Variants in ENTHD1 observed in about 807,000 individuals in gnomAD.
The protein encoded by ENTHD1 is ENTH domain-containing protein 1.
ENTHD1 carries 23 observed loss-of-function variants against 39.1 expected under a neutral mutation model. The ratio of observed to expected loss-of-function variants is 0.59; its 90% CI spans 0.42 to 0.83. The LOEUF (loss-of-function observed/expected upper bound fraction) is 0.83. ENTHD1 is among the 40% of genes least tolerant of loss of function. The probability of loss-of-function intolerance (pLI) is 0.00; values close to 1 mark genes in which losing one functional copy is unlikely to be tolerated. For missense variants in ENTHD1, 624 were observed against 705.4 expected, an observed-to-expected ratio of 0.88 and a Z score of 1.31; for synonymous variants, 230 against 258.2, an observed-to-expected ratio of 0.89 and a Z score of 1.05.
At chr22:39,875,307 C>A (rs2066278829) in intron 2 of ENTHD1, 3 of 1,269,828 alleles carry the variant, frequency 2.4e-6, no homozygotes, top group Non-Finnish European at 3.0e-6. Context: ...TCGGTCGCAG[C>A]CCGCTCGGGC....
intron 1 of ENTHD1, among the ~76,000 whole-genome samples, chr22:39,891,062 A>G (rs1185251214): frequency 1.3e-5 from 2 of 152,236 alleles, no homozygotes; most frequent in Non-Finnish European, 2.9e-5. Flanking sequence ...ATTAGTGCCC[A>G]AGAGGGTAAA....
rs191444909 is a variant in ENTHD1 at position 39,891,667 on chromosome 22, G to A, written c.-156+2028C>T. Among the ~76,000 whole-genome samples, 349 of 150,554 alleles carry A rather than the reference G, an allele frequency of 2.3e-3. 4 individuals carry two copies. Among genetic ancestry groups the A allele is most frequent in the African/African-American group, 7.5e-3 (306 of 40,934 alleles). On this transcript the variant is annotated intron_variant, in intron 1 of 6. Transcript: ENST00000325157. ...AGGGTCTTGCTCTGTCACCCAGGCT[G>A]GAGTGAAGTGGCACGATCTTGGCTC... is the stretch of plus-strand genomic sequence containing the variant.
In ENTHD1 at chr22:39,832,889, A is replaced by G. The variant is rs568950593; in HGVS notation, c.711+2951T>C. 2.0e-5 allele frequency among the ~76,000 whole-genome samples: 3 copies of G among 152,304 alleles called. No individual in the cohort carries two copies. The South Asian group carries it at 6.2e-4, about 32-fold the overall frequency. On this transcript the variant is annotated intron_variant, in intron 4 of 6. Coordinates refer to ENST00000325157, the MANE Select transcript of ENTHD1 (RefSeq NM_152512.4). Reference sequence around the variant, plus strand: ...GATAACATAGGAAGAAAAGTATCATAATGACACTCCATTTGCTGCCCTGCA... The same window carrying G: ...GATAACATAGGAAGAAAAGTATCATGATGACACTCCATTTGCTGCCCTGCA...
At position 39,887,895 on chromosome 22, in the gene ENTHD1, A is replaced by G. The variant is rs1014383524; in HGVS notation, c.-147T>C. ...TAATTAATCTCTATGTTGATAAAGT[A>G]TCAATTTCCTGCAAGGAAAGCACAA... On this transcript the variant is annotated 5_prime_UTR_variant, in exon 2 of 7. Coordinates refer to ENST00000325157, the MANE Select transcript of ENTHD1 (RefSeq NM_152512.4). 14 of 571,696 alleles carry G rather than the reference A, an allele frequency of 2.4e-5. No individual in the cohort carries two copies. Among genetic ancestry groups the G allele is most frequent in the Non-Finnish European group, 4.0e-5 (14 of 347,510 alleles). 35.4% of individuals were successfully genotyped at this position (571,696 alleles called of 1,614,324 possible).
At chr22:39,778,331 A>C (rs1214656812) in intron 5 of ENTHD1, among the ~76,000 whole-genome samples, 1 of 152,168 alleles carries the variant, frequency 6.6e-6, no homozygotes, top group African/African-American at 2.4e-5. Context: ...TGCCAATTCT[A>C]GGAAGGGGGG....
chr22:39,787,939 A>G (rs920142791), intron 5 of ENTHD1, among the ~76,000 whole-genome samples: 3 of 152,190 alleles, frequency 2.0e-5, no homozygotes, highest in Non-Finnish European at 2.9e-5. Flanking sequence ...GTGGAAGCCA[A>G]TTGCTCCTTT....
intron 3 of ENTHD1, among the ~76,000 whole-genome samples, chr22:39,849,094 T>C (rs2066014842): frequency 6.6e-6 from 1 of 152,148 alleles, no homozygotes; most frequent in Non-Finnish European, 1.5e-5. Context: ...CACAGTGTCA[T>C]GATCAGTAAA....
rs1048411482 is a variant in ENTHD1 at position 39,867,975 on chromosome 22, T to C, written c.350-5968A>G. The stretch of plus-strand genomic sequence containing the variant: ...AGTGAGCGAGGCTGAAGCCAAGGGC[T>C]GCTGGGCTCTTGATCTGCCAGCCCA... On this transcript the variant is annotated intron_variant, in intron 2 of 6. Transcript: ENST00000325157. This position sits in a 1 kb window ranked among gnomAD's most constrained non-coding sequence, Gnocchi z 4.5. Among the ~76,000 whole-genome samples the C allele has an allele frequency of 2.6e-5, 4 of 152,160 alleles. No homozygotes were observed. Among genetic ancestry groups the C allele is most frequent in the Non-Finnish European group, 4.4e-5 (3 of 68,028 alleles).
intron 3 of ENTHD1, among the ~76,000 whole-genome samples, chr22:39,843,496 ATATACT>A (rs893916656): frequency 1.1e-4 from 17 of 151,572 alleles, no homozygotes; most frequent in African/African-American, 3.9e-4. Context: ...GCATTGGGAG[ATATACT>A]TAATGCTAGA....
At chr22:39,843,376 C>T (rs572360271) in intron 3 of ENTHD1, among the ~76,000 whole-genome samples, 6 of 148,176 alleles carry the variant, frequency 4.0e-5, no homozygotes, top group Non-Finnish European at 7.4e-5. Context: ...AACCAAACAC[C>T]ACATATTCTC....
At chr22:39,791,812 T>C (rs2065506558) in intron 5 of ENTHD1, among the ~76,000 whole-genome samples, 1 of 152,170 alleles carries the variant, frequency 6.6e-6, no homozygotes. Context: ...GGTGTACAGA[T>C]CATTTTGTCG....
intron 2 of ENTHD1, among the ~76,000 whole-genome samples, chr22:39,880,898 T>G (rs1439314929): frequency 6.6e-6 from 1 of 152,214 alleles, no homozygotes; most frequent in East Asian, 1.9e-4. Context: ...GTTGAGAACA[T>G]GTATTCTGGA....
At chr22:39,756,316 T>TCTCTCTCTCA (rs1433242336) in intron 6 of ENTHD1, among the ~76,000 whole-genome samples, 1 of 138,010 alleles carries the variant, frequency 7.2e-6, no homozygotes, top group African/African-American at 2.8e-5. Flanking sequence ...TCTCTCTCTC[T>TCTCTCTCTCA]CACACACACA....
chr22:39,825,660 AAAGT>A (rs1197306833), intron 4 of ENTHD1, among the ~76,000 whole-genome samples: 1 of 151,878 alleles, frequency 6.6e-6, no homozygotes, highest in Non-Finnish European at 1.5e-5. Context: ...ATTTTCTGAG[AAAGT>A]ATTCTATTTC....
chr22:39,780,357 A>G (rs1009911092), intron 5 of ENTHD1, among the ~76,000 whole-genome samples: 1 of 148,686 alleles, frequency 6.7e-6, no homozygotes, highest in Non-Finnish European at 1.5e-5. Flanking sequence ...AGCCTGGGTG[A>G]CAGAGCAAGA....
chr22:39,747,306 C>A (rs1569121892), intron 6 of ENTHD1, among the ~76,000 whole-genome samples: 1 of 152,124 alleles, frequency 6.6e-6, no homozygotes, highest in Non-Finnish European at 1.5e-5. Flanking sequence ...TTTTTAAATT[C>A]TCTTTGTTTA....
At chr22:39,817,519 G>C (rs529291828) in intron 5 of ENTHD1, among the ~76,000 whole-genome samples, 1 of 152,084 alleles carries the variant, frequency 6.6e-6, no homozygotes, top group East Asian at 1.9e-4. Flanking sequence ...ATTTCTAAAG[G>C]TACACGTATG....
intron 2 of ENTHD1, among the ~76,000 whole-genome samples, chr22:39,883,003 CAAAAAAA>C (rs58964198): frequency 1.4e-4 from 7 of 48,288 alleles, no homozygotes; most frequent in South Asian, 1.9e-3. Flanking sequence ...GACTTCATCT[CAAAAAAA>C]AAAAAAAAAA....
chr22:39,893,034 A>C (rs2066440121), intron 1 of ENTHD1, among the ~76,000 whole-genome samples: 1 of 152,198 alleles, frequency 6.6e-6, no homozygotes, highest in Non-Finnish European at 1.5e-5. Flanking sequence ...CACAAGACAC[A>C]GTCCTCACAC....
Sources: gnomAD v4.1 joint callset for allele counts (sites outside exome capture counted in the v4.1 genomes callset) on GRCh38, gnomAD v4.1.1 for gene constraint, Gnocchi (gnomAD v3.1) non-coding constraint, MANE v1.5 for transcripts, NCBI Gene and HGNC (gene_info 2026-07-23, HGNC 2026-07-21) for gene names.